The following GPHN variants were observed in gnomAD, a reference collection of about 807,000 sequenced individuals.
GPHN encodes the protein gephyrin.
In GPHN, 17 loss-of-function variants were observed where a neutral mutation model predicts 95.5. The observed-to-expected ratio is 0.18, with a 90% CI of 0.12 to 0.27. The LOEUF (loss-of-function observed/expected upper bound fraction) is 0.27, where lower values mean the gene tolerates loss of function less well. Ranked by LOEUF, GPHN falls within the 10% of genes least tolerant of loss-of-function variation. The probability of loss-of-function intolerance (pLI) is 1.00; values close to 1 mark genes in which losing one functional copy is unlikely to be tolerated. For missense variants in GPHN, 660 were observed against 978.1 expected (o/e 0.67, Z 4.34); for synonymous variants, 320 against 322.5 (o/e 0.99, Z 0.08).
intron 9 of GPHN, among the ~76,000 whole-genome samples, chr14:67,021,841 C>G (rs546267948): frequency 6.6e-6 from 1 of 152,228 alleles, no homozygotes; most frequent in East Asian, 1.9e-4. Flanking sequence ...AAAGGAGCCA[C>G]TTTCCATTCG....
downstream of GPHN, among the ~76,000 whole-genome samples, chr14:67,184,011 A>AT (rs1224556233): frequency 2.0e-5 from 3 of 151,742 alleles, no homozygotes; most frequent in Non-Finnish European, 4.4e-5. Flanking sequence ...CACCTGGCTA[A>AT]TTTTTTTATA....
chr14:67,408,073 G>T, the GPHN span, among the ~76,000 whole-genome samples: 2 of 152,022 alleles, frequency 1.3e-5, no homozygotes, highest in African/African-American at 4.8e-5. Flanking sequence ...GATCACCTGA[G>T]GTTGGGAGTT....
chr14:66,694,064 T>C (rs1186872296), intron 2 of GPHN, among the ~76,000 whole-genome samples: 1 of 152,124 alleles, frequency 6.6e-6, no homozygotes, highest in Non-Finnish European at 1.5e-5. Flanking sequence ...GTTGCTGTGG[T>C]CTGAATGTAT....
intron 10 of GPHN, among the ~76,000 whole-genome samples, chr14:67,037,657 T>G (rs891541927): frequency 4.0e-4 from 61 of 151,246 alleles, no homozygotes; most frequent in African/African-American, 1.4e-3. Flanking sequence ...TAGACATAAC[T>G]CAAAGAAGAT....
chr14:67,341,492 G>A, the GPHN span, among the ~76,000 whole-genome samples: 22 of 150,494 alleles, frequency 1.5e-4, no homozygotes, highest in Admixed American at 5.3e-4. Flanking sequence ...CCGGCCAGCC[G>A]CCCCGTCCGG....
At chr14:66,988,960 G>T (rs1237152095) in intron 9 of GPHN, among the ~76,000 whole-genome samples, 1 of 151,932 alleles carries the variant, frequency 6.6e-6, no homozygotes, top group Non-Finnish European at 1.5e-5. Flanking sequence ...ATAAAAACTA[G>T]AATTAAAGTT....
At chr14:66,601,053 G>T (rs1023471797) in intron 1 of GPHN, among the ~76,000 whole-genome samples, 2 of 151,954 alleles carry the variant, frequency 1.3e-5, no homozygotes, top group Admixed American at 1.3e-4. Context: ...TATGAGGTAG[G>T]TATTATAACA....
chr14:66,957,078 A>G (rs2068561953), intron 8 of GPHN, among the ~76,000 whole-genome samples: 1 of 151,004 alleles, frequency 6.6e-6, no homozygotes, highest in South Asian at 2.1e-4. Flanking sequence ...ACTAACCTGC[A>G]CAATGTGCAC....
chr14:67,689,882 C>T, the GPHN span, among the ~76,000 whole-genome samples: 1 of 151,582 alleles, frequency 6.6e-6, no homozygotes, highest in Non-Finnish European at 1.5e-5. Context: ...AAGTGGAGGT[C>T]GGCAGTGAGC....
chr14:67,144,286 T>TATATATATATATATACAC (rs1421893686), intron 18 of GPHN, among the ~76,000 whole-genome samples: 2 of 78,126 alleles, frequency 2.6e-5, no homozygotes, highest in East Asian at 5.8e-4. Flanking sequence ...TATATATATA[T>TATATATATATATATACAC]ACACACACAC....
the GPHN span, chr14:67,345,738 C>G: frequency 2.0e-5 from 29 of 1,480,966 alleles, no homozygotes; most frequent in Non-Finnish European, 2.6e-5. Context: ...AATCAAACTA[C>G]AGGAGTTCTC....
chr14:67,517,535 C>T, the GPHN span, among the ~76,000 whole-genome samples: 2 of 152,102 alleles, frequency 1.3e-5, no homozygotes, highest in South Asian at 4.1e-4. Flanking sequence ...CAGAGAAGCT[C>T]TATTGTAGAA....
chr14:67,724,449 T>C, the GPHN span: 17 of 1,498,080 alleles, frequency 1.1e-5, no homozygotes, highest in Non-Finnish European at 1.5e-5. Flanking sequence ...TGGTACGTGA[T>C]GCTCTTGTTT....
chr14:67,522,820 A>G, the GPHN span, among the ~76,000 whole-genome samples: 1 of 152,152 alleles, frequency 6.6e-6, no homozygotes. Flanking sequence ...CCCCATCTCT[A>G]TTCTTTTTAC....
Position 66,779,991 on chromosome 14 carries a change from C to G in GPHN, c.201+3470C>G, listed in dbSNP as rs79025892. 5.5e-3 allele frequency among the ~76,000 whole-genome samples: 832 copies of G among 152,038 alleles called. 10 individuals carry two copies. The highest frequency in any genetic ancestry group is 0.019 in the African/African-American group (789 of 41,464). On this transcript the variant is annotated intron_variant, in intron 3 of 22. Transcript: ENST00000478722. ...ATTAGAACCTGAACTCAAGCAGTGA[C>G]AATGAGGCTAGAGAAGAAAACAAGA... is the stretch of plus-strand genomic sequence containing the variant.
At chr14:67,443,988 A>G in the GPHN span, among the ~76,000 whole-genome samples, 1 of 152,170 alleles carries the variant, frequency 6.6e-6, no homozygotes, top group African/African-American at 2.4e-5. Context: ...CACTGAGATA[A>G]GTGTATATCT....
chr14:67,386,439 C>T, the GPHN span: 1 of 152,154 alleles, frequency 6.6e-6, no homozygotes, highest in African/African-American at 2.4e-5. Context: ...AGCATTTGTA[C>T]TTGGCAGGAA....
At chr14:66,735,190 C>T (rs915493826) in intron 2 of GPHN, among the ~76,000 whole-genome samples, 2 of 152,138 alleles carry the variant, frequency 1.3e-5, no homozygotes, top group African/African-American at 4.8e-5. Flanking sequence ...TTAGGGATAC[C>T]ATAGGCTTTT....
chr14:67,162,084 A>T (rs1708575294), intron 19 of GPHN, among the ~76,000 whole-genome samples: 1 of 152,252 alleles, frequency 6.6e-6, no homozygotes, highest in Non-Finnish European at 1.5e-5. Context: ...GCTTAAAAAA[A>T]AATTCACAGT....
Sources: allele counts gnomAD v4.1 joint callset (sites outside exome capture counted in the v4.1 genomes callset), GRCh38; gene constraint gnomAD v4.1.1; transcripts MANE v1.5; gene names NCBI Gene and HGNC (gene_info 2026-07-23, HGNC 2026-07-21).